Variants in PODXL2 observed in about 807,000 individuals in gnomAD.
The protein encoded by PODXL2 is podocalyxin-like protein 2.
PODXL2 carries 17 observed loss-of-function variants against 53.4 expected under a neutral mutation model. The ratio of observed to expected loss-of-function variants is 0.32; its 90% confidence interval spans 0.22 to 0.48. The LOEUF (loss-of-function observed/expected upper bound fraction) is 0.48, where lower values mean the gene tolerates loss of function less well. Among genes scored for constraint, PODXL2 ranks in the 20% least tolerant of loss-of-function variants. The pLI is 0.99. For synonymous variants in PODXL2, 311 were observed against 306.7 expected (o/e 1.01, Z -0.15); for missense variants, 673 against 760.0 (o/e 0.89, Z 1.35).
In PODXL2 at chr3:127,666,716, T is replaced by G. The variant is rs113113075; in HGVS notation, c.1207-1725T>G. ...CAGTGCACCTGGCCAGAACCCAGAT[T>G]TATTTGATTCCAAAGTCAGGGCTTT... On this transcript the variant is annotated intron_variant, in intron 4 of 7. Coordinates refer to ENST00000342480, the MANE Select transcript of PODXL2 (RefSeq NM_015720.4). Among the ~76,000 whole-genome samples, 561 of 152,304 alleles carry G rather than the reference T, an allele frequency of 3.7e-3. 6 individuals carry two copies. Among genetic ancestry groups the G allele is most frequent in the South Asian group, 0.019 (92 of 4,832 alleles).
intron 2 of PODXL2, among the ~76,000 whole-genome samples, chr3:127,650,224 T>C (rs2074679880): frequency 6.6e-6 from 1 of 152,222 alleles, no homozygotes; most frequent in African/African-American, 2.4e-5. Context: ...CCTGGGATTA[T>C]GGCTGCCCTG....
intron 4 of PODXL2, among the ~76,000 whole-genome samples, chr3:127,665,087 A>G (rs1458300652): frequency 6.6e-6 from 1 of 152,188 alleles, no homozygotes; most frequent in Non-Finnish European, 1.5e-5. Flanking sequence ...CAAAACTATT[A>G]TCTGATTACC....
At position 127,629,588 on chromosome 3, in the gene PODXL2, C is replaced by A. The variant is rs1449131237; in HGVS notation, c.70+299C>A. On this transcript the variant is annotated intron_variant, in intron 1 of 7. Coordinates refer to ENST00000342480, the MANE Select transcript of PODXL2 (RefSeq NM_015720.4). The surrounding 1 kb of genome is among the most constrained non-coding windows in gnomAD (Gnocchi z 6.4). ...GGCAGGTGCGCAGGCTGCTGCCTCG[C>A]GGGCCGGGGGGGCGCGCACGTGTGG... 6.6e-6 allele frequency among the ~76,000 whole-genome samples: 1 copy of A among 151,642 alleles called. No homozygotes were observed. The highest frequency in any genetic ancestry group is 2.1e-4 in the South Asian group (1 of 4,820).
intron 3 of PODXL2, among the ~76,000 whole-genome samples, chr3:127,661,688 T>C (rs2074768855): frequency 2.6e-5 from 4 of 152,130 alleles, no homozygotes; most frequent in Admixed American, 2.6e-4. Context: ...CCACCCGCTA[T>C]GGCCTCCTGA....
chr3:127,639,280 G>T lies in PODXL2; in HGVS notation c.106G>T (p.Glu36Ter). ...GGGTGCCTGTGTGGCTGGGTCTGAT[G>T]AGCCTGGCCCAGAGGGCCTCACCTC... ...FLGACVAGSD[E>*]PGPEGLTSTS... The change falls in exon 2 of 8, where the codon GAG (glutamate) becomes TAG (stop). Residue 36 changes from glutamate (E) to a stop codon, truncating the protein, a stop_gained. Coordinates refer to ENST00000342480, the MANE Select transcript of PODXL2 (RefSeq NM_015720.4). LOFTEE classifies it high-confidence loss of function. 1 of 1,611,914 alleles carries T rather than the reference G, an allele frequency of 6.2e-7. No homozygotes were observed. The highest frequency in any genetic ancestry group is 1.1e-5 in the South Asian group (1 of 90,876).
chr3:127,661,037 G>GC lies in PODXL2; in HGVS notation c.1013dup (p.Gly339TrpfsTer28). 6.2e-7 allele frequency: 1 copy of GC among 1,614,188 alleles called. No homozygotes were observed. ...TAGAACCTCAGCCTCTTCCCCACTG[G>GC]CCCCTGGAGACATGGAACTGACACC... is the stretch of plus-strand genomic sequence containing the variant. On this transcript the variant is annotated frameshift_variant, in exon 3 of 8. Coordinates refer to ENST00000342480, the MANE Select transcript of PODXL2 (RefSeq NM_015720.4). LOFTEE classifies it high-confidence loss of function.
intron 4 of PODXL2, among the ~76,000 whole-genome samples, chr3:127,662,521 C>T (rs2074774228): frequency 1.3e-5 from 2 of 152,188 alleles, no homozygotes; most frequent in Admixed American, 1.3e-4. Context: ...TCTTGCTTCC[C>T]TCTCTTTTTA....
intron 7 of PODXL2, among the ~76,000 whole-genome samples, 176 bp from the exon 8 acceptor site, chr3:127,672,092 C>T (rs777760434): frequency 7.2e-5 from 11 of 152,224 alleles, no homozygotes; most frequent in Non-Finnish European, 1.5e-4. Context: ...GTAGTGCCAA[C>T]GACTAGTAGG....
chr3:127,652,383 C>T, intron 2 of PODXL2, among the ~76,000 whole-genome samples: 1 of 152,162 alleles, frequency 6.6e-6, no homozygotes, highest in East Asian at 1.9e-4. Flanking sequence ...CCATTCCCAG[C>T]AGTTCTGGGA....
At chr3:127,652,910 A>G (rs1576431085) in intron 2 of PODXL2, among the ~76,000 whole-genome samples, 1 of 151,996 alleles carries the variant, frequency 6.6e-6, no homozygotes, top group African/African-American at 2.4e-5. Flanking sequence ...GGCATCAAGG[A>G]CTTGCCCTGG....
intron 2 of PODXL2, among the ~76,000 whole-genome samples, chr3:127,649,560 C>A (rs1260971836): frequency 6.6e-6 from 1 of 152,252 alleles, no homozygotes; most frequent in African/African-American, 2.4e-5. Flanking sequence ...TATACATATA[C>A]TTGTCAGGTT....
chr3:127,670,340 C>T (rs1035531908), intron 6 of PODXL2, among the ~76,000 whole-genome samples: 1 of 152,238 alleles, frequency 6.6e-6, no homozygotes, highest in Non-Finnish European at 1.5e-5. Context: ...CCACACTGCT[C>T]TACTGCCTGG....
At chr3:127,646,958 T>C (rs2074660904) in intron 2 of PODXL2, among the ~76,000 whole-genome samples, 1 of 152,190 alleles carries the variant, frequency 6.6e-6, no homozygotes, top group Admixed American at 6.5e-5. Flanking sequence ...GACTTTGTCA[T>C]ACATCCCATT....
At chr3:127,661,216 T>C in intron 3 of PODXL2, 57 bp downstream of exon 3, 1 of 1,360,384 alleles carries the variant, frequency 7.4e-7, no homozygotes, top group South Asian at 1.3e-5. Context: ...AGCCTGGCCA[T>C]CCCCAGGGCT....
intron 7 of PODXL2, 71 bp from the exon 8 acceptor site, chr3:127,672,197 A>G (rs1488675683): frequency 4.5e-6 from 6 of 1,345,288 alleles, no homozygotes; most frequent in Non-Finnish European, 5.1e-6. Context: ...GGGGTTGCAC[A>G]GACGGCCGCG....
chr3:127,646,850 C>T (rs2074660149), intron 2 of PODXL2, among the ~76,000 whole-genome samples: 1 of 152,156 alleles, frequency 6.6e-6, no homozygotes, highest in Non-Finnish European at 1.5e-5. Flanking sequence ...AATCTGGAGT[C>T]GGTATCCCTG....
At chr3:127,648,085 T>G (rs1207349491) in intron 2 of PODXL2, among the ~76,000 whole-genome samples, 5 of 152,214 alleles carry the variant, frequency 3.3e-5, no homozygotes, top group African/African-American at 7.2e-5. Context: ...CAGGCATGAT[T>G]AGATCACTGT....
At position 127,635,804 on chromosome 3, in the gene PODXL2, GA is replaced by G. The variant is rs1360910494; in HGVS notation, c.71-3440del. On this transcript the variant is annotated intron_variant, in intron 1 of 7. Coordinates refer to ENST00000342480, the MANE Select transcript of PODXL2 (RefSeq NM_015720.4). Reference sequence around the variant, plus strand: ...AACGGTAGCCATTTATTTAGCTCATGATTCTGTAGTTTGGCAATTTAGGCTG... The same window carrying G: ...AACGGTAGCCATTTATTTAGCTCATGTTCTGTAGTTTGGCAATTTAGGCTG... Among the ~76,000 whole-genome samples, 4 of 152,230 alleles carry G rather than the reference GA, an allele frequency of 2.6e-5. No homozygotes were observed. In the East Asian group the frequency reaches 7.7e-4, roughly 29 times the overall value.
chr3:127,669,836 G>A (rs1400748200), intron 6 of PODXL2, among the ~76,000 whole-genome samples: 1 of 152,192 alleles, frequency 6.6e-6, no homozygotes, highest in East Asian at 1.9e-4. Context: ...GGATGGGATG[G>A]CAGGGTCCCC....
Sources: gnomAD v4.1 joint callset for allele counts (sites outside exome capture counted in the v4.1 genomes callset) on GRCh38, gnomAD v4.1.1 for gene constraint, Gnocchi (gnomAD v3.1) non-coding constraint, MANE v1.5 for transcripts, NCBI Gene and HGNC (gene_info 2026-07-23, HGNC 2026-07-21) for gene names.